Variants in MRPS9 observed in about 807,000 individuals in gnomAD.
MRPS9 encodes small ribosomal subunit protein uS9m.
In MRPS9, 45 loss-of-function variants were observed where a neutral mutation model predicts 59.9. The observed-to-expected ratio is 0.75, with a 90% confidence interval of 0.59 to 0.96. MRPS9 has a LOEUF of 0.96. Among genes scored for constraint, MRPS9 ranks in the 40% least tolerant of loss-of-function variants. The pLI is 0.00. For missense variants in MRPS9, 473 were observed against 481.1 expected (o/e 0.98, Z 0.16); for synonymous variants, 171 against 166.8 (o/e 1.03, Z -0.19).
chr2:105,061,948 A>G (rs1406660013), intron 2 of MRPS9, among the ~76,000 whole-genome samples: 2 of 152,178 alleles, frequency 1.3e-5, no homozygotes, highest in African/African-American at 2.4e-5. Context: ...CTTGATATTT[A>G]TATGTTTTTC....
chr2:105,080,099 G>A lies in MRPS9; in HGVS notation c.489+37G>A, dbSNP rs747513414. ...GCATTTATGATAAATAATATGAGCT[G>A]TAAGCTACAAAACTAATTATACTGG... On this transcript the variant is annotated intron_variant, in intron 5 of 10. Coordinates refer to ENST00000258455, the MANE Select transcript of MRPS9 (RefSeq NM_182640.3). The A allele has an allele frequency of 4.9e-6, 7 of 1,427,066 alleles. No homozygotes were observed. In the East Asian group the frequency reaches 1.4e-4, roughly 29 times the overall value. 88.4% of individuals were successfully genotyped at this position (1,427,066 alleles called of 1,614,324 possible). A position where few individuals can be genotyped will look rare whatever the true frequency, so the allele number is the denominator to read the frequency against.
intron 5 of MRPS9, among the ~76,000 whole-genome samples, chr2:105,084,456 A>C (rs1680410224): frequency 6.6e-6 from 1 of 152,094 alleles, no homozygotes; most frequent in African/African-American, 2.4e-5. Context: ...CTGGAACAGC[A>C]GCCCCAGAAG....
intron 5 of MRPS9, among the ~76,000 whole-genome samples, chr2:105,083,973 A>G (rs1307906191): frequency 6.6e-6 from 1 of 152,146 alleles, no homozygotes; most frequent in Non-Finnish European, 1.5e-5. Flanking sequence ...TTAGATAAAT[A>G]CATTTTCTCA....
intron 2 of MRPS9, among the ~76,000 whole-genome samples, chr2:105,060,077 G>T (rs1324568503): frequency 6.9e-6 from 1 of 144,516 alleles, no homozygotes; most frequent in Non-Finnish European, 1.5e-5. Flanking sequence ...TGCCTTCATG[G>T]TTCTCATTTT....
chr2:105,068,703 A>G (rs1680047799), intron 2 of MRPS9, among the ~76,000 whole-genome samples: 2 of 152,088 alleles, frequency 1.3e-5, no homozygotes, highest in African/African-American at 4.8e-5. Context: ...TTCCCCCTGT[A>G]TTTATACGTC....
At chr2:105,078,141 C>CTT (rs11421327) in intron 4 of MRPS9, among the ~76,000 whole-genome samples, 58,032 of 126,644 alleles carry the variant, frequency 0.46, 13,215 homozygotes, top group East Asian at 0.7. Flanking sequence ...AATTCTAAGA[C>CTT]TTTTTTTTTT....
At chr2:105,057,606 A>G (rs796906799) in intron 2 of MRPS9, among the ~76,000 whole-genome samples, 49 of 152,324 alleles carry the variant, frequency 3.2e-4, no homozygotes, top group African/African-American at 9.9e-4. Context: ...GCAAGTGCCA[A>G]TGGAACTTTA....
chr2:105,063,437 G>T (rs940381286), intron 2 of MRPS9, among the ~76,000 whole-genome samples: 15 of 152,144 alleles, frequency 9.9e-5, no homozygotes, highest in African/African-American at 3.6e-4. Flanking sequence ...TAATCTAATA[G>T]CAACAGCAGT....
chr2:105,092,359 C>CAAT, intron 7 of MRPS9, 42 bp from the exon 8 acceptor site: 1 of 1,504,610 alleles, frequency 6.6e-7, no homozygotes, highest in Non-Finnish European at 8.9e-7. Flanking sequence ...TTAGCAAATG[C>CAAT]AATTACACTT....
chr2:105,086,555 T>G (rs1680449365), intron 5 of MRPS9, among the ~76,000 whole-genome samples: 2 of 152,210 alleles, frequency 1.3e-5, no homozygotes, highest in Non-Finnish European at 2.9e-5. Flanking sequence ...TTAGTTGCCT[T>G]AATTATTTCA....
intron 1 of MRPS9, among the ~76,000 whole-genome samples, chr2:105,043,045 A>T (rs1394799028): frequency 6.6e-6 from 1 of 152,084 alleles, no homozygotes; most frequent in African/African-American, 2.4e-5. Flanking sequence ...TCTAACATAA[A>T]GGTTTTTTTA....
At chr2:105,042,448 A>G (rs981172933) in intron 1 of MRPS9, among the ~76,000 whole-genome samples, 1 of 152,268 alleles carries the variant, frequency 6.6e-6, no homozygotes, top group East Asian at 1.9e-4. Context: ...GAAGAACAGC[A>G]GGTGGCAGAT....
rs1680573995 is a variant in MRPS9, at chr2:105,092,294, A to G, written c.652-107A>G. 8 of 993,206 alleles carry G rather than the reference A, an allele frequency of 8.1e-6. No individual in the cohort carries two copies. The South Asian group carries it at 1.9e-4, about 23-fold the overall frequency. The allele number at this position is 993,206 out of a possible 1,614,324, so 61.5% of individuals were successfully genotyped here. ...GATGCAGAAGTGTCATCCTGTCAAA[A>G]TTCATCAGGAAAAGCAACATTGGAA... On this transcript the variant is annotated intron_variant, in intron 7 of 10. Transcript: ENST00000258455.
chr2:105,043,486 G>C (rs1679537287), intron 1 of MRPS9, among the ~76,000 whole-genome samples: 1 of 152,156 alleles, frequency 6.6e-6, no homozygotes, highest in Non-Finnish European at 1.5e-5. Flanking sequence ...CCTGAGCATA[G>C]AGGCAGGACA....
chr2:105,041,611 G>C (rs975617240), intron 1 of MRPS9, among the ~76,000 whole-genome samples: 1 of 151,660 alleles, frequency 6.6e-6, no homozygotes, highest in Admixed American at 6.6e-5. Context: ...TGCTTTAGTA[G>C]GATCTTAATA....
chr2:105,075,751 T>C (rs1233014772), intron 4 of MRPS9, among the ~76,000 whole-genome samples: 1 of 152,200 alleles, frequency 6.6e-6, no homozygotes, highest in Non-Finnish European at 1.5e-5. Flanking sequence ...TCTGTGTTAA[T>C]TGAGTCAAGG....
chr2:105,085,331 T>C (rs1300896016), intron 5 of MRPS9, among the ~76,000 whole-genome samples: 4 of 152,202 alleles, frequency 2.6e-5, no homozygotes, highest in African/African-American at 9.6e-5. Context: ...AAATTGATTT[T>C]CTGTGATTTC....
intron 2 of MRPS9, among the ~76,000 whole-genome samples, chr2:105,058,797 A>G (rs559754665): frequency 1.3e-5 from 2 of 151,518 alleles, no homozygotes; most frequent in South Asian, 4.2e-4. Context: ...CTCCTGCCTC[A>G]GCCTCCTGAG....
rs1230936593 is a variant in MRPS9, at chr2:105,095,158, A to G, written c.929+1520A>G. Among the ~76,000 whole-genome samples the G allele has an allele frequency of 2.0e-5, 3 of 152,180 alleles. No homozygotes were observed. In the East Asian group the frequency reaches 5.8e-4, roughly 29 times the overall value. On this transcript the variant is annotated intron_variant, in intron 9 of 10. Coordinates refer to ENST00000258455, the MANE Select transcript of MRPS9 (RefSeq NM_182640.3). ...CTTACAAATCAGCAGTGAGGTGACC[A>G]TTGACTAATAGGAAGACTAACCAAC...
Sources: gnomAD v4.1 joint callset for allele counts (sites outside exome capture counted in the v4.1 genomes callset) on GRCh38, gnomAD v4.1.1 for gene constraint, MANE v1.5 for transcripts, NCBI Gene and HGNC (gene_info 2026-07-23, HGNC 2026-07-21) for gene names.